ATG7: variants seen among roughly 807,000 people sequenced by gnomAD.
The protein encoded by ATG7 is ubiquitin-like modifier-activating enzyme ATG7.
ATG7 carries 70 observed loss-of-function variants against 82.4 expected under a neutral mutation model. The observed-to-expected ratio is 0.85, with a 90% CI of 0.70 to 1.04. The LOEUF (loss-of-function observed/expected upper bound fraction) is 1.04, where lower values mean the gene tolerates loss of function less well. Ranked by LOEUF, ATG7 falls within the 50% of genes least tolerant of loss-of-function variation. The pLI is 0.00. For synonymous variants in ATG7, 287 were observed against 313.0 expected (o/e 0.92, Z 0.88); for missense variants, 792 against 864.3 (o/e 0.92, Z 1.05).
At position 11,380,053 on chromosome 3, in the gene ATG7, G is replaced by A; in HGVS notation, c.1956+1G>A. 1.2e-6 allele frequency: 2 copies of A among 1,613,340 alleles called. No individual in the cohort carries two copies. Among genetic ancestry groups the A allele is most frequent in the Non-Finnish European group, 1.7e-6 (2 of 1,179,244 alleles). On this transcript the variant is annotated splice_donor_variant, in intron 19 of 20. Coordinates refer to ENST00000693202, the MANE Select transcript of ATG7 (RefSeq NM_001349232.2). LOFTEE classifies it high-confidence loss of function. ...CAAATGTACAGCTTGTTCTTCCAAAGTAAGTCATTTTGTATTGGAGGGACT... is the reference window on the plus strand; with the variant it reads ...CAAATGTACAGCTTGTTCTTCCAAAATAAGTCATTTTGTATTGGAGGGACT...
intron 20 of ATG7, among the ~76,000 whole-genome samples, chr3:11,427,602 G>C (rs1184682489): frequency 6.6e-6 from 1 of 151,458 alleles, no homozygotes; most frequent in Non-Finnish European, 1.5e-5. Flanking sequence ...TGGGTCACAA[G>C]GTCAGGAGTT....
At chr3:11,469,171 C>T (rs2087143311) in intron 20 of ATG7, among the ~76,000 whole-genome samples, 2 of 152,184 alleles carry the variant, frequency 1.3e-5, no homozygotes, top group Admixed American at 1.3e-4. Context: ...AAAATAAGGC[C>T]GGGTGCAGTG....
At chr3:11,296,499 T>G (rs1433145746) in intron 3 of ATG7, among the ~76,000 whole-genome samples, 2 of 152,222 alleles carry the variant, frequency 1.3e-5, no homozygotes, top group South Asian at 2.1e-4. Flanking sequence ...CATAAATTTT[T>G]GGGCTTTTAG....
At chr3:11,345,970 T>C (rs2152783924) in intron 13 of ATG7, among the ~76,000 whole-genome samples, 1 of 152,360 alleles carries the variant, frequency 6.6e-6, no homozygotes, top group Middle Eastern at 3.4e-3. Flanking sequence ...CAGTGTTTAA[T>C]GTGTATTTTA....
chr3:11,480,587 A>G (rs1054426504), intron 20 of ATG7, among the ~76,000 whole-genome samples: 2 of 152,124 alleles, frequency 1.3e-5, no homozygotes, highest in African/African-American at 4.8e-5. Flanking sequence ...AGACAAAAAA[A>G]CCTTACAATC....
At chr3:11,490,306 T>G (rs1394746215) in intron 20 of ATG7, among the ~76,000 whole-genome samples, 1 of 152,222 alleles carries the variant, frequency 6.6e-6, no homozygotes, top group African/African-American at 2.4e-5. Context: ...CTGCCTTTTT[T>G]TGTTTTCCAT....
chr3:11,575,469 T>G, the ATG7 span, among the ~76,000 whole-genome samples: 11 of 152,276 alleles, frequency 7.2e-5, no homozygotes, highest in African/African-American at 1.9e-4. Flanking sequence ...CTCTCTCTCC[T>G]TGAGACTGGA....
At chr3:11,504,921 G>A (rs1227144679) in intron 20 of ATG7, among the ~76,000 whole-genome samples, 1 of 152,156 alleles carries the variant, frequency 6.6e-6, no homozygotes, top group Non-Finnish European at 1.5e-5. Flanking sequence ...CATGACAGGG[G>A]TAAGGGGGCT....
the ATG7 span, among the ~76,000 whole-genome samples, chr3:11,562,878 C>T: frequency 6.6e-6 from 1 of 152,170 alleles, no homozygotes; most frequent in Non-Finnish European, 1.5e-5. Context: ...GCTGGGGGGT[C>T]GAGGTTCTTC....
In ATG7 at chr3:11,471,692, CTT is replaced by C. The variant is rs372088418; in HGVS notation, c.2079+44776_2079+44777del. ...TCTCGGTGTCTCACATATTCCAACTCTTTTTTTTTTTAGAACTCAGAAAAGTA... is the reference window on the plus strand; with the variant it reads ...TCTCGGTGTCTCACATATTCCAACTCTTTTTTTTTAGAACTCAGAAAAGTA... On this transcript the variant is annotated intron_variant, in intron 20 of 20. Coordinates refer to ENST00000693202, the MANE Select transcript of ATG7 (RefSeq NM_001349232.2). Among the ~76,000 whole-genome samples the C allele has an allele frequency of 6.9e-4, 80 of 116,464 alleles. 3 individuals carry two copies. In the South Asian group the frequency reaches 0.019, roughly 28 times the overall value. The allele number at this position is 116,464 out of a possible 152,430, so 76.4% of individuals were successfully genotyped here. A position where few individuals can be genotyped will look rare whatever the true frequency, so the allele number is the denominator to read the frequency against.
At chr3:11,489,731 T>A in intron 20 of ATG7, among the ~76,000 whole-genome samples, 1 of 149,400 alleles carries the variant, frequency 6.7e-6, no homozygotes, top group East Asian at 2.0e-4. Context: ...CATTTCGTTA[T>A]GTACCCAGTA....
chr3:11,369,132 A>C (rs1473978995), intron 18 of ATG7, among the ~76,000 whole-genome samples: 2 of 150,882 alleles, frequency 1.3e-5, no homozygotes, highest in Non-Finnish European at 3.0e-5. Flanking sequence ...GTGTCCCCCA[A>C]ATCCTCAAGC....
chr3:11,397,436 A>G, intron 19 of ATG7, among the ~76,000 whole-genome samples: 1 of 78 alleles, frequency 0.013, no homozygotes, highest in South Asian at 0.5. Flanking sequence ...TATATAAAAA[A>G]TTTACAAGAA....
intron 5 of ATG7, among the ~76,000 whole-genome samples, chr3:11,304,173 G>T (rs1351868750): frequency 6.6e-6 from 1 of 152,206 alleles, no homozygotes. Flanking sequence ...TGCCCTCAAA[G>T]AACTGAAAAG....
chr3:11,530,320 T>C (rs936873735), intron 20 of ATG7, among the ~76,000 whole-genome samples: 5 of 152,194 alleles, frequency 3.3e-5, no homozygotes, highest in African/African-American at 1.2e-4. Flanking sequence ...GTCCCTGTGC[T>C]GTTAGCAGGC....
At chr3:11,462,507 A>C (rs937352099) in intron 20 of ATG7, among the ~76,000 whole-genome samples, 1 of 152,096 alleles carries the variant, frequency 6.6e-6, no homozygotes, top group Non-Finnish European at 1.5e-5. Flanking sequence ...GGGCAGCGTG[A>C]ACACTTTAGG....
chr3:11,337,585 A>AT (rs1046155097), intron 11 of ATG7, among the ~76,000 whole-genome samples: 5 of 151,584 alleles, frequency 3.3e-5, no homozygotes, highest in African/African-American at 4.9e-5. Context: ...CATATGTGTT[A>AT]TTTTTTTCAT....
At chr3:11,462,031 CAAAA>C (rs202025031) in intron 20 of ATG7, among the ~76,000 whole-genome samples, 1 of 148,386 alleles carries the variant, frequency 6.7e-6, no homozygotes, top group Non-Finnish European at 1.5e-5. Flanking sequence ...ACTCTGTCTC[CAAAA>C]AAAAAGAAAG....
intron 13 of ATG7, among the ~76,000 whole-genome samples, chr3:11,342,835 A>ATT (rs5846704): frequency 1.4e-5 from 2 of 145,582 alleles, no homozygotes; most frequent in African/African-American, 5.0e-5. Context: ...TATCCATAGG[A>ATT]TTTTTTTTTT....
Sources: gnomAD v4.1 joint callset for allele counts (sites outside exome capture counted in the v4.1 genomes callset) on GRCh38, gnomAD v4.1.1 for gene constraint, MANE v1.5 for transcripts, NCBI Gene and HGNC (gene_info 2026-07-23, HGNC 2026-07-21) for gene names.